WFDC3: variants seen among roughly 807,000 people sequenced by gnomAD.
WFDC3 encodes the protein WAP four-disulfide core domain 3.
In WFDC3, 15 loss-of-function variants were observed where a neutral mutation model predicts 25.8. The ratio of observed to expected loss-of-function variants is 0.58; its 90% CI spans 0.39 to 0.89. The LOEUF (loss-of-function observed/expected upper bound fraction) is 0.89, where lower values mean the gene tolerates loss of function less well. WFDC3 is among the 40% of genes least tolerant of loss of function. The probability of loss-of-function intolerance (pLI) is 0.00; values close to 1 mark genes in which losing one functional copy is unlikely to be tolerated. For missense variants in WFDC3, 264 were observed against 289.8 expected (o/e 0.91, Z 0.65); for synonymous variants, 103 against 107.1 (o/e 0.96, Z 0.24).
chr20:45,774,942 C>CAA (rs3080049), intron 6 of WFDC3, among the ~76,000 whole-genome samples: 5 of 118,170 alleles, frequency 4.2e-5, no homozygotes, highest in East Asian at 2.5e-4. Flanking sequence ...AACTCCATCT[C>CAA]AAAAAAAAAA....
At chr20:45,779,491 T>G (rs1980343043) in intron 4 of WFDC3, among the ~76,000 whole-genome samples, 1 of 152,200 alleles carries the variant, frequency 6.6e-6, no homozygotes, top group Non-Finnish European at 1.5e-5. Flanking sequence ...TGTGCTACTG[T>G]GAGATCACAT....
chr20:45,784,652 A>C (rs8115525), intron 4 of WFDC3, among the ~76,000 whole-genome samples: 8,749 of 152,254 alleles, frequency 0.057, 627 homozygotes, highest in African/African-American at 0.16. Flanking sequence ...GAGGCAGGAG[A>C]ATCGCTTGAA....
Position 45,787,959 on chromosome 20 carries a change from C to A in WFDC3, c.235G>T (p.Val79Phe). ...PKGRKRDCPRVIRKQSCLKRC... is the reference protein window; with the variant it reads ...PKGRKRDCPRFIRKQSCLKRC... ...TTCAAACAGGATTGTTTCCGAATAA[C>A]CCTAGGGCAATCTCTTTTCCTCCCT... Residue 79 changes from valine (V) to phenylalanine (F), a missense_variant, in exon 4 of 7, where the codon GTT (valine) becomes TTT (phenylalanine). Physicochemically the swap from Val to Phe is conservative, Grantham distance 50 (BLOSUM62 -1). Transcript: ENST00000243938. 6.2e-7 allele frequency: 1 copy of A among 1,613,328 alleles called. No individual in the cohort carries two copies. Among genetic ancestry groups the A allele is most frequent in the Non-Finnish European group, 8.5e-7 (1 of 1,179,740 alleles).
At chr20:45,781,788 CACAA>C (rs1474297505) in intron 4 of WFDC3, among the ~76,000 whole-genome samples, 8 of 152,184 alleles carry the variant, frequency 5.3e-5, no homozygotes, top group African/African-American at 1.9e-4. Flanking sequence ...ACAATGTTTA[CACAA>C]ACAGTTTAGG....
intron 4 of WFDC3, among the ~76,000 whole-genome samples, chr20:45,787,333 C>G (rs1263488407): frequency 7.1e-6 from 1 of 140,902 alleles, no homozygotes; most frequent in Non-Finnish European, 1.5e-5. Context: ...CTCTGTCACC[C>G]AGGCTGGAGT....
intron 4 of WFDC3, among the ~76,000 whole-genome samples, chr20:45,783,269 C>T (rs760136742): frequency 2.4e-4 from 36 of 152,096 alleles, no homozygotes; most frequent in Non-Finnish European, 3.8e-4. Flanking sequence ...TTGGCATGAC[C>T]ATATGAGCTC....
intron 5 of WFDC3, among the ~76,000 whole-genome samples, chr20:45,775,845 GA>G (rs1292882303): frequency 1.4e-5 from 2 of 147,820 alleles, no homozygotes; most frequent in East Asian, 4.3e-4. Flanking sequence ...GTAACTCAGG[GA>G]TTGACACCTC....
rs781383936 is a variant in WFDC3, at chr20:45,787,914, T to G, written c.280A>C (p.Thr94Pro). The change falls in exon 4 of 7, where the codon ACA becomes CCA. Residue 94 changes from threonine to proline, a missense_variant. Coordinates refer to ENST00000243938, the MANE Select transcript of WFDC3 (RefSeq NM_080614.2). Reference protein sequence around the residue: ...SCLKRCITDETCPGVKKCCTL... With the variant: ...SCLKRCITDEPCPGVKKCCTL... ...CAGCATTTCTTTACACCTGGACATGTCTCATCAGTGATGCACCTTTTCAAA... is the reference window on the plus strand; with the variant it reads ...CAGCATTTCTTTACACCTGGACATGGCTCATCAGTGATGCACCTTTTCAAA... The G allele has an allele frequency of 2.5e-6, 4 of 1,614,150 alleles. No individual in the cohort carries two copies. In the Admixed American group the frequency reaches 6.7e-5, roughly 27 times the overall value.
chr20:45,789,831 AGTT>A (rs1363910465), intron 2 of WFDC3, 60 bp downstream of exon 2: 6 of 1,452,800 alleles, frequency 4.1e-6, no homozygotes, highest in South Asian at 2.3e-5. Flanking sequence ...GCAGGGGATG[AGTT>A]CTCCTCTCCT....
At chr20:45,788,314 AG>A in intron 3 of WFDC3, 17 of 163,908 alleles carry the variant, frequency 1.0e-4, no homozygotes, top group South Asian at 5.0e-4. Flanking sequence ...CAAAAAAAAA[AG>A]AGAGAGAGAG....
intron 5 of WFDC3, among the ~76,000 whole-genome samples, chr20:45,776,616 AAAAAAGAAAAAAAAAAAAAAT>A (rs1980176671): frequency 1.1e-4 from 6 of 52,434 alleles, no homozygotes; most frequent in Admixed American, 4.4e-4. Context: ...AAAAAAAGAA[AAAAAAGAAAAAAAAAAAAAAT>A]ATATATATAT....
chr20:45,790,918 G>A (rs1356561434), intron 1 of WFDC3: 2 of 470,900 alleles, frequency 4.2e-6, no homozygotes, highest in African/African-American at 2.0e-5. Flanking sequence ...CAAATAGTCT[G>A]CCCACATATA....
At chr20:45,785,871 C>T (rs1202544724) in intron 4 of WFDC3, among the ~76,000 whole-genome samples, 5 of 152,152 alleles carry the variant, frequency 3.3e-5, no homozygotes, top group Admixed American at 1.3e-4. Flanking sequence ...CCTAGTCTCA[C>T]GGGTCTACAT....
chr20:45,785,789 C>A (rs1568700600), intron 4 of WFDC3, among the ~76,000 whole-genome samples: 1 of 152,104 alleles, frequency 6.6e-6, no homozygotes, highest in African/African-American at 2.4e-5. Context: ...AGGAATAGAG[C>A]AGAGAGCCCT....
At chr20:45,778,964 C>A (rs1310491338) in intron 4 of WFDC3, 5 of 152,068 alleles carry the variant, frequency 3.3e-5, no homozygotes, top group African/African-American at 1.2e-4. Context: ...GAAAAACAAA[C>A]CCCTATATGA....
At chr20:45,775,376 G>C in intron 6 of WFDC3, 41 bp downstream of exon 6, 1 of 1,600,234 alleles carries the variant, frequency 6.2e-7, no homozygotes, top group East Asian at 2.2e-5. Context: ...TTTGCACATA[G>C]CAGTTGTCTG....
intron 5 of WFDC3, among the ~76,000 whole-genome samples, chr20:45,776,622 G>GAAAAAAAAAAAA (rs1226870114): frequency 1.3e-5 from 1 of 76,266 alleles, no homozygotes; most frequent in African/African-American, 6.0e-5. Context: ...AGAAAAAAAA[G>GAAAAAAAAAAAA]AAAAAAAAAA....
At chr20:45,778,935 A>G (rs1279114985) in intron 4 of WFDC3, 1 of 152,128 alleles carries the variant, frequency 6.6e-6, no homozygotes, top group East Asian at 1.9e-4. Context: ...TCCCAGCCTC[A>G]GGAATTCTTG....
At position 45,777,774 on chromosome 20, in the gene WFDC3, G is replaced by A. The variant is rs545406753; in HGVS notation, c.359-565C>T. On this transcript the variant is annotated intron_variant, in intron 4 of 6. Coordinates refer to ENST00000243938, the MANE Select transcript of WFDC3 (RefSeq NM_080614.2). Reference sequence around the variant, plus strand: ...TGGCTCAAGTGATCCTCCCGCCTGAGCCTCCCAAAGTGCCAGGATTACAGG... The same window carrying A: ...TGGCTCAAGTGATCCTCCCGCCTGAACCTCCCAAAGTGCCAGGATTACAGG... 1.8e-4 allele frequency among the ~76,000 whole-genome samples: 27 copies of A among 152,294 alleles called. No individual in the cohort carries two copies. In the South Asian group the frequency reaches 5.6e-3, roughly 32 times the overall value.
Sources: allele counts gnomAD v4.1 joint callset (sites outside exome capture counted in the v4.1 genomes callset), GRCh38; gene constraint gnomAD v4.1.1; transcripts MANE v1.5; gene names NCBI Gene and HGNC (gene_info 2026-07-23, HGNC 2026-07-21).